Variants in RAB33A observed in about 807,000 individuals in gnomAD.
RAB33A encodes the protein RAB33A, member RAS oncogene family.
RAB33A carries 6 observed loss-of-function variants against 12.0 expected under a neutral mutation model. The observed-to-expected ratio is 0.50, with a 90% CI of 0.27 to 0.99. RAB33A has a LOEUF of 0.99. RAB33A is among the 50% of genes least tolerant of loss of function. The pLI is 0.11. For missense variants in RAB33A, 109 were observed against 192.0 expected (o/e 0.57, Z 2.55); for synonymous variants, 70 against 82.4 (o/e 0.85, Z 0.81).
chrX:130,117,084 G>T, the RAB33A span, among the ~76,000 whole-genome samples: 1 of 111,716 alleles, frequency 9.0e-6, no homozygotes, highest in Non-Finnish European at 1.9e-5. Context: ...CGTGGTGGCG[G>T]GCTCCTGTAG....
chrX:130,153,717 G>A, the RAB33A span, among the ~76,000 whole-genome samples: 3 of 110,797 alleles, frequency 2.7e-5, no homozygotes, highest in South Asian at 3.9e-4. Flanking sequence ...CTCCCTCTCC[G>A]TCCCCCACCC....
At chrX:130,111,014 G>A in the RAB33A span, among the ~76,000 whole-genome samples, 2 of 89,968 alleles carry the variant, frequency 2.2e-5, no homozygotes, top group African/African-American at 7.9e-5. Flanking sequence ...CGGGGTGGGG[G>A]AGGGAACGAG....
chrX:130,144,182 A>T, the RAB33A span, among the ~76,000 whole-genome samples: 1 of 111,023 alleles, frequency 9.0e-6, no homozygotes, highest in African/African-American at 3.3e-5. Flanking sequence ...CTTCTTCTTC[A>T]TCATCATCAT....
chrX:130,133,389 C>T, the RAB33A span: 1 of 1,210,747 alleles, frequency 8.3e-7, no homozygotes, highest in Non-Finnish European at 1.1e-6. Flanking sequence ...CTCACAACAG[C>T]GTGATCATGG....
At chrX:130,179,466 T>G (rs1231413622) in intron 1 of RAB33A, among the ~76,000 whole-genome samples, 2 of 107,244 alleles carry the variant, frequency 1.9e-5, no homozygotes, top group African/African-American at 6.8e-5. Context: ...AAGGCAAGAG[T>G]GAAGACTCCT....
At chrX:130,178,539 G>T (rs1354317755) in intron 1 of RAB33A, among the ~76,000 whole-genome samples, 1 of 109,821 alleles carries the variant, frequency 9.1e-6, no homozygotes, top group Non-Finnish European at 1.9e-5. Flanking sequence ...CAAGGTGGGA[G>T]GATCACCTGA....
At chrX:130,121,826 C>T in the RAB33A span, among the ~76,000 whole-genome samples, 1 of 112,544 alleles carries the variant, frequency 8.9e-6, no homozygotes, top group Non-Finnish European at 1.9e-5. Context: ...GTCTGGGGAT[C>T]CCCTTCCCTC....
chrX:130,112,034 C>T, the RAB33A span, among the ~76,000 whole-genome samples: 1 of 111,866 alleles, frequency 8.9e-6, no homozygotes, highest in African/African-American at 3.3e-5. Context: ...CCTACTCAGC[C>T]TCCAGCATCG....
At chrX:130,114,380 G>C in the RAB33A span, among the ~76,000 whole-genome samples, 1 of 111,486 alleles carries the variant, frequency 9.0e-6, no homozygotes, top group Non-Finnish European at 1.9e-5. Flanking sequence ...GGAGCCATGG[G>C]CCACCTGAAT....
the RAB33A span, among the ~76,000 whole-genome samples, chrX:130,164,024 C>T: frequency 9.4e-6 from 1 of 106,814 alleles, no homozygotes; most frequent in Non-Finnish European, 1.9e-5. Flanking sequence ...AAAAATTAGC[C>T]GGGCGTGGTG....
the RAB33A span, among the ~76,000 whole-genome samples, chrX:130,120,241 TTTC>T: frequency 3.6e-5 from 4 of 111,358 alleles, no homozygotes; most frequent in Non-Finnish European, 7.5e-5. Context: ...TTTGTTTTTT[TTTC>T]TTTTTTCCTT....
At chrX:130,119,563 A>G in the RAB33A span, among the ~76,000 whole-genome samples, 54,918 of 108,863 alleles carry the variant, frequency 0.5, 11,297 homozygotes, top group African/African-American at 0.75. Flanking sequence ...TTTCTCCTCG[A>G]TGGTGCTCTG....
At chrX:130,165,848 C>G in the RAB33A span, 1 of 482,152 alleles carries the variant, frequency 2.1e-6, no homozygotes, top group African/African-American at 2.3e-5. Context: ...GAACGGCGAC[C>G]GGAGGCCTAC....
the RAB33A span, among the ~76,000 whole-genome samples, chrX:130,150,977 C>CAAAAAAAAAAAAAAAAAAAAAAA: frequency 7.2e-5 from 2 of 27,801 alleles, no homozygotes; most frequent in African/African-American, 1.8e-4. Flanking sequence ...GACTCTGTCT[C>CAAAAAAAAAAAAAAAAAAAAAAA]AAAAAAAAAA....
chrX:130,178,057 G>T (rs1263222434), intron 1 of RAB33A, among the ~76,000 whole-genome samples: 1 of 112,277 alleles, frequency 8.9e-6, no homozygotes, highest in Non-Finnish European at 1.9e-5. Context: ...AAGGTGGCTT[G>T]CCAGCACTTT....
intron 1 of RAB33A, among the ~76,000 whole-genome samples, chrX:130,179,496 GA>G (rs983684785): frequency 9.2e-6 from 1 of 109,176 alleles, no homozygotes; most frequent in African/African-American, 3.3e-5. Flanking sequence ...GGGGAGTGGG[GA>G]TCAGGAGCCA....
At chrX:130,179,279 G>A (rs902366974) in intron 1 of RAB33A, among the ~76,000 whole-genome samples, 4 of 111,895 alleles carry the variant, frequency 3.6e-5, no homozygotes, top group African/African-American at 1.3e-4. Flanking sequence ...GGCGGCATAC[G>A]CAATTATGAA....
upstream of RAB33A, among the ~76,000 whole-genome samples, chrX:130,169,800 G>A (rs1397405195): frequency 8.9e-6 from 1 of 112,098 alleles, no homozygotes; most frequent in Non-Finnish European, 1.9e-5. Context: ...CAGGAAGTTA[G>A]CATTAATTCT....
chrX:130,139,476 C>A, the RAB33A span, among the ~76,000 whole-genome samples: 4 of 111,759 alleles, frequency 3.6e-5, no homozygotes, highest in Non-Finnish European at 7.5e-5. Context: ...ACAGCACTTG[C>A]AATGAAAAAT....
Sources: gnomAD v4.1 joint callset for allele counts (sites outside exome capture counted in the v4.1 genomes callset) on GRCh38, gnomAD v4.1.1 for gene constraint, MANE v1.5 for transcripts, NCBI Gene and HGNC (gene_info 2026-07-23, HGNC 2026-07-21) for gene names.